Variants in ELMOD1 observed in about 807,000 individuals in gnomAD.
ELMOD1 encodes ELMO domain containing 1.
Under a neutral mutation model 46.7 loss-of-function variants are expected in ELMOD1, and 21 were observed. The observed-to-expected ratio is 0.45, with a 90% CI of 0.32 to 0.65. ELMOD1 has a LOEUF of 0.65. Ranked by LOEUF, ELMOD1 falls within the 30% of genes least tolerant of loss-of-function variation. The pLI is 0.04. For synonymous variants in ELMOD1, 122 were observed against 138.2 expected (o/e 0.88, Z 0.82); for missense variants, 348 against 407.8 (o/e 0.85, Z 1.26).
intron 7 of ELMOD1, among the ~76,000 whole-genome samples, chr11:107,648,240 G>T (rs1531751): frequency 2.0e-5 from 3 of 151,968 alleles, no homozygotes; most frequent in Non-Finnish European, 4.4e-5. Flanking sequence ...TCTTAAATTA[G>T]ATCAGTCTCT....
chr11:107,662,018 G>A (rs1233483661), intron 11 of ELMOD1, among the ~76,000 whole-genome samples: 1 of 152,218 alleles, frequency 6.6e-6, no homozygotes, highest in Non-Finnish European at 1.5e-5. Context: ...ATGAGGAGAA[G>A]CAGTGAAAGA....
At chr11:107,604,795 C>T (rs1865659854) in intron 1 of ELMOD1, among the ~76,000 whole-genome samples, 1 of 152,130 alleles carries the variant, frequency 6.6e-6, no homozygotes, top group African/African-American at 2.4e-5. Context: ...TCTAAATGGT[C>T]GAATTCCTTT....
At chr11:107,620,280 A>G (rs1225658712) in intron 2 of ELMOD1, 2 of 152,238 alleles carry the variant, frequency 1.3e-5, no homozygotes, top group Non-Finnish European at 2.9e-5. Flanking sequence ...CCCAGAAGAA[A>G]TTAGGTTAAC....
chr11:107,655,658 G>A (rs1866616924), intron 10 of ELMOD1, among the ~76,000 whole-genome samples: 2 of 142,030 alleles, frequency 1.4e-5, no homozygotes, highest in Admixed American at 1.5e-4. Flanking sequence ...CGTGGGTAGA[G>A]CAGCCCCAAG....
At chr11:107,631,803 G>C in intron 5 of ELMOD1, 126 bp downstream of exon 5, 1 of 521,334 alleles carries the variant, frequency 1.9e-6, no homozygotes, top group Non-Finnish European at 3.3e-6. Flanking sequence ...GCCATGTTTT[G>C]ACTTTCAGAT....
intron 11 of ELMOD1, among the ~76,000 whole-genome samples, chr11:107,664,445 G>T (rs562287141): frequency 6.6e-6 from 1 of 152,234 alleles, no homozygotes; most frequent in East Asian, 1.9e-4. Flanking sequence ...GACACCAAAG[G>T]ATTTGAATAT....
intron 5 of ELMOD1, among the ~76,000 whole-genome samples, chr11:107,634,844 C>T (rs1351461279): frequency 2.0e-5 from 3 of 152,178 alleles, no homozygotes; most frequent in Non-Finnish European, 4.4e-5. Flanking sequence ...TTAGAAGACT[C>T]GCTATCTTAA....
chr11:107,642,913 T>C (rs999699142), intron 6 of ELMOD1: 59 of 330,476 alleles, frequency 1.8e-4, no homozygotes, highest in Admixed American at 1.2e-4. Context: ...GAAACTGAAT[T>C]CTGAACTTCC....
chr11:107,662,627 A>C (rs1866761599), intron 11 of ELMOD1, among the ~76,000 whole-genome samples: 1 of 144,902 alleles, frequency 6.9e-6, no homozygotes, highest in Admixed American at 6.9e-5. Context: ...AAAACAACAA[A>C]AAAAAACTTT....
intron 5 of ELMOD1, among the ~76,000 whole-genome samples, chr11:107,633,429 ATTTAT>A (rs1565381372): frequency 6.6e-6 from 1 of 151,988 alleles, no homozygotes; most frequent in African/African-American, 2.4e-5. Context: ...AAATTTATTT[ATTTAT>A]TTTAATCTTT....
At chr11:107,638,741 T>C (rs1591125551) in intron 6 of ELMOD1, among the ~76,000 whole-genome samples, 1 of 152,328 alleles carries the variant, frequency 6.6e-6, no homozygotes, top group South Asian at 2.1e-4. Context: ...CATGCATTTG[T>C]GTATGGTGTT....
chr11:107,628,161 T>A (rs1013775541), intron 2 of ELMOD1, among the ~76,000 whole-genome samples: 1 of 149,652 alleles, frequency 6.7e-6, no homozygotes, highest in Non-Finnish European at 1.5e-5. Flanking sequence ...GCTGAGGGGT[T>A]TTTTTGTTTT....
intron 6 of ELMOD1, among the ~76,000 whole-genome samples, chr11:107,641,941 T>C (rs1258006644): frequency 5.9e-5 from 3 of 50,692 alleles, no homozygotes; most frequent in African/African-American, 1.0e-4. Context: ...AGCTTACTCT[T>C]TTTTTTTTTT....
At chr11:107,627,795 G>A (rs977563934) in intron 2 of ELMOD1, among the ~76,000 whole-genome samples, 5 of 152,254 alleles carry the variant, frequency 3.3e-5, no homozygotes, top group South Asian at 2.1e-4. Context: ...CATAAGGGTC[G>A]TCCTCTTCTC....
chr11:107,655,843 C>T, intron 10 of ELMOD1, 90 bp from the exon 11 acceptor site: 1 of 1,358,264 alleles, frequency 7.4e-7, no homozygotes, highest in Non-Finnish European at 1.0e-6. Flanking sequence ...ACTGTCGTGG[C>T]ACTGGTAGGA....
chr11:107,655,395 A>G (rs896048140), intron 10 of ELMOD1, among the ~76,000 whole-genome samples: 11 of 152,064 alleles, frequency 7.2e-5, no homozygotes, highest in African/African-American at 2.7e-4. Context: ...TTTCTGTCAT[A>G]TATTTGGAAA....
chr11:107,665,098 G>A lies in ELMOD1; in HGVS notation c.906G>A (p.Val302=). The part of the protein sequence containing the change: ...DPMDIMEFNR[V]REKFRKRIIK... ...TGGACATAATGGAATTTAATCGTGTGAGGGAGAAATTCCGCAAGAGGATCA... is the reference window on the plus strand; with the variant it reads ...TGGACATAATGGAATTTAATCGTGTAAGGGAGAAATTCCGCAAGAGGATCA... The change falls in exon 12 of 12, where the codon GTG becomes GTA. Residue 302 remains valine (V), a synonymous_variant. Transcript: ENST00000265840. 1 of 1,613,968 alleles carries A rather than the reference G, an allele frequency of 6.2e-7. No individual in the cohort carries two copies. The highest frequency in any genetic ancestry group is 8.5e-7 in the Non-Finnish European group (1 of 1,179,862).
intron 6 of ELMOD1, among the ~76,000 whole-genome samples, chr11:107,646,564 G>T (rs187208435): frequency 6.6e-6 from 1 of 152,034 alleles, no homozygotes; most frequent in East Asian, 1.9e-4. Flanking sequence ...GTAAAACCCC[G>T]CCTCTACTAA....
In ELMOD1 at chr11:107,635,582, A is replaced by G. The variant is rs1469376082; in HGVS notation, c.291-54A>G. The G allele has an allele frequency of 1.9e-6, 3 of 1,569,698 alleles. No individual in the cohort carries two copies. The East Asian group carries it at 6.8e-5, about 35-fold the overall frequency. On this transcript the variant is annotated intron_variant, in intron 5 of 11. Transcript: ENST00000265840. ...TGCATACATCAAGTGAACAAATGCC[A>G]AAGTGAATGCCCTGTTCTTCCTTGT... is the stretch of plus-strand genomic sequence containing the variant.
Sources: allele counts gnomAD v4.1 joint callset (sites outside exome capture counted in the v4.1 genomes callset), GRCh38; gene constraint gnomAD v4.1.1; transcripts MANE v1.5; gene names NCBI Gene and HGNC (gene_info 2026-07-23, HGNC 2026-07-21).